The following NEBL variants were observed in gnomAD, a reference collection of about 807,000 sequenced individuals.
NEBL encodes LIM and SH3 protein 2.
NEBL carries 122 observed loss-of-function variants against 140.2 expected under a neutral mutation model. The ratio of observed to expected loss-of-function variants is 0.87; its 90% CI spans 0.75 to 1.01. The LOEUF (loss-of-function observed/expected upper bound fraction) is 1.01, where lower values mean the gene tolerates loss of function less well. NEBL is among the 50% of genes least tolerant of loss of function. The probability of loss-of-function intolerance (pLI) is 0.00; values close to 1 mark genes in which losing one functional copy is unlikely to be tolerated. For missense variants in NEBL, 1,365 were observed against 1,231.3 expected (o/e 1.11, Z -1.62); for synonymous variants, 436 against 398.9 (o/e 1.09, Z -1.11).
At chr10:21,141,336 A>T (rs1839624055) in intron 2 of NEBL, among the ~76,000 whole-genome samples, 1 of 152,214 alleles carries the variant, frequency 6.6e-6, no homozygotes, top group Non-Finnish European at 1.5e-5. Flanking sequence ...GGAAATACAC[A>T]GTGCATTATT....
intron 2 of NEBL, among the ~76,000 whole-genome samples, chr10:21,075,738 G>C (rs941804419): frequency 6.6e-6 from 1 of 152,122 alleles, no homozygotes; most frequent in African/African-American, 2.4e-5. Flanking sequence ...TAAATCGTCA[G>C]TCCACTTGAA....
chr10:20,830,131 C>T (rs1840265812), intron 16 of NEBL, among the ~76,000 whole-genome samples: 2 of 152,194 alleles, frequency 1.3e-5, no homozygotes, highest in South Asian at 4.1e-4. Context: ...GGCTGAGAGG[C>T]ACACAAGTCC....
intron 3 of NEBL, among the ~76,000 whole-genome samples, chr10:21,244,025 G>T (rs1842480457): frequency 6.6e-6 from 1 of 151,916 alleles, no homozygotes; most frequent in African/African-American, 2.4e-5. Flanking sequence ...AGAAAGGCAT[G>T]TTTTTTATCA....
At chr10:20,952,377 C>T (rs925000260) in intron 4 of NEBL, among the ~76,000 whole-genome samples, 4 of 149,010 alleles carry the variant, frequency 2.7e-5, no homozygotes, top group Non-Finnish European at 5.9e-5. Context: ...GCAGAGGTTG[C>T]CATGAGCCGA....
intron 2 of NEBL, among the ~76,000 whole-genome samples, chr10:21,081,965 A>T (rs1308189255): frequency 6.6e-6 from 1 of 152,232 alleles, no homozygotes; most frequent in African/African-American, 2.4e-5. Context: ...GATGAGGTCC[A>T]GGATACATCA....
chr10:20,974,682 T>C (rs78123564), intron 3 of NEBL, among the ~76,000 whole-genome samples: 1 of 152,344 alleles, frequency 6.6e-6, no homozygotes, highest in East Asian at 1.9e-4. Flanking sequence ...CCTTTAATGG[T>C]TACACATACT....
intron 1 of NEBL, among the ~76,000 whole-genome samples, chr10:21,253,624 ACTTCTGCCTC>A (rs1433563160): frequency 1.3e-5 from 2 of 149,298 alleles, no homozygotes; most frequent in Non-Finnish European, 3.0e-5. Flanking sequence ...GCTCACCACA[ACTTCTGCCTC>A]CTGGGTTCAA....
At chr10:21,098,291 G>T (rs977857791) in intron 2 of NEBL, among the ~76,000 whole-genome samples, 1 of 152,104 alleles carries the variant, frequency 6.6e-6, no homozygotes, top group Non-Finnish European at 1.5e-5. Flanking sequence ...GTGCAGAAAT[G>T]AAAGGAGACA....
At chr10:21,105,968 G>A (rs1481682683) in intron 2 of NEBL, among the ~76,000 whole-genome samples, 1 of 151,960 alleles carries the variant, frequency 6.6e-6, no homozygotes, top group African/African-American at 2.4e-5. Context: ...TGTGTCTGTT[G>A]GCTGCATAAA....
At chr10:21,080,811 T>G (rs1836333176) in intron 2 of NEBL, among the ~76,000 whole-genome samples, 1 of 152,152 alleles carries the variant, frequency 6.6e-6, no homozygotes, top group African/African-American at 2.4e-5. Flanking sequence ...GATATTGATA[T>G]TCTGGTAGGT....
Position 21,156,350 on chromosome 10 carries a change from T to A in NEBL, c.164+16033A>T, listed in dbSNP as rs887749975. 1.2e-4 allele frequency among the ~76,000 whole-genome samples: 19 copies of A among 152,196 alleles called. 1 individual carries two copies. On this transcript the variant is annotated intron_variant, in intron 2 of 6. Transcript: ENST00000417816. ...TTAACTCAACAGTATTTAGGAGGCA[T>A]TGAAAGCTAGGATCTGATTATGAGG...
At chr10:21,156,302 AT>A (rs1387092990) in intron 2 of NEBL, among the ~76,000 whole-genome samples, 1 of 152,236 alleles carries the variant, frequency 6.6e-6, no homozygotes, top group African/African-American at 2.4e-5. Context: ...TTTTGTACAA[AT>A]GGACAAAGAG....
intron 26 of NEBL, among the ~76,000 whole-genome samples, chr10:20,792,061 G>A (rs950751372): frequency 6.6e-6 from 1 of 151,268 alleles, no homozygotes; most frequent in Non-Finnish European, 1.5e-5. Context: ...CAAAGAAAAG[G>A]TGAAGGTTTT....
chr10:20,815,915 C>T (rs1372749788), intron 21 of NEBL, 198 bp from the exon 22 acceptor site: 5 of 569,650 alleles, frequency 8.8e-6, no homozygotes, highest in Admixed American at 5.9e-5. Context: ...ATTACAGGCA[C>T]CTGCCACCAT....
chr10:21,221,292 C>T (rs1412209927), intron 3 of NEBL, among the ~76,000 whole-genome samples: 1 of 151,944 alleles, frequency 6.6e-6, no homozygotes, highest in Non-Finnish European at 1.5e-5. Flanking sequence ...GTCAATTGTA[C>T]CTTAACAAAG....
intron 1 of NEBL, among the ~76,000 whole-genome samples, chr10:21,269,733 T>C (rs1033624774): frequency 5.3e-5 from 8 of 152,186 alleles, no homozygotes; most frequent in Admixed American, 5.2e-4. Context: ...AGATTTGCTG[T>C]AGGGAATATA....
At chr10:21,160,327 A>G (rs1840505784) in intron 2 of NEBL, among the ~76,000 whole-genome samples, 1 of 152,192 alleles carries the variant, frequency 6.6e-6, no homozygotes, top group Non-Finnish European at 1.5e-5. Flanking sequence ...TATATATGAC[A>G]CAAGAGGCGC....
Position 20,933,945 on chromosome 10 carries a change from AG to A in NEBL, c.357+27726del, listed in dbSNP as rs1412852750. 2.0e-5 allele frequency among the ~76,000 whole-genome samples: 3 copies of A among 152,264 alleles called. No individual in the cohort carries two copies. The East Asian group carries it at 5.8e-4, about 29-fold the overall frequency. Reference sequence around the variant, plus strand: ...GAGTTTCTCAGTTCAGTATATGGCCAGCTGGGTACACTATCAGTTTCACTAT... The same window carrying A: ...GAGTTTCTCAGTTCAGTATATGGCCACTGGGTACACTATCAGTTTCACTAT... On this transcript the variant is annotated intron_variant, in intron 4 of 6. Coordinates refer to the NEBL transcript ENST00000417816.
intron 4 of NEBL, among the ~76,000 whole-genome samples, chr10:20,905,126 T>C (rs377398485): frequency 3.7e-4 from 57 of 152,278 alleles, no homozygotes; most frequent in Middle Eastern, 3.4e-3. Context: ...GTAGAGCATA[T>C]TGCAAACAAC....
Sources: allele counts gnomAD v4.1 joint callset (sites outside exome capture counted in the v4.1 genomes callset), GRCh38; gene constraint gnomAD v4.1.1; transcripts MANE v1.5; gene names NCBI Gene and HGNC (gene_info 2026-07-23, HGNC 2026-07-21).